CD8B2: variants seen among roughly 807,000 people sequenced by gnomAD.
The protein encoded by CD8B2 is T-cell surface glycoprotein CD8 beta-2 chain.
In CD8B2, 11 loss-of-function variants were observed where a neutral mutation model predicts 23.7. The ratio of observed to expected loss-of-function variants is 0.46; its 90% CI spans 0.29 to 0.77. The LOEUF is 0.77. CD8B2 is among the 30% of genes least tolerant of loss of function. The probability of loss-of-function intolerance (pLI) is 0.09; values close to 1 mark genes in which losing one functional copy is unlikely to be tolerated. For synonymous variants in CD8B2, 90 were observed against 109.3 expected (o/e 0.82, Z 1.10); for missense variants, 197 against 270.5 (o/e 0.73, Z 1.91).
In CD8B2 at chr2:106,510,808, C is replaced by T. The variant is rs1404870238; in HGVS notation, c.*3868C>T. The T allele has an allele frequency of 2.0e-5, 3 of 151,462 alleles. No homozygotes were observed. Among genetic ancestry groups the T allele is most frequent in the Admixed American group, 6.6e-5 (1 of 15,214 alleles). 9.4% of individuals were successfully genotyped at this position (151,462 alleles called of 1,614,324 possible). ...TTTTTAAAACATAAAATTGAAATCT[C>T]GAGAATATAATACATAAAATAGAGA... is the stretch of plus-strand genomic sequence containing the variant. On this transcript the variant is annotated 3_prime_UTR_variant, in exon 6 of 6. Transcript: ENST00000643224.
chr2:106,518,102 C>G (rs943072721), intron 5 of CD8B2, among the ~76,000 whole-genome samples: 16 of 152,244 alleles, frequency 1.1e-4, no homozygotes, highest in Admixed American at 3.3e-4. Flanking sequence ...TTTTCTTCAT[C>G]CTGCTATTTC....
intron 1 of CD8B2, among the ~76,000 whole-genome samples, chr2:106,490,654 G>A (rs55762809): frequency 0.096 from 14,564 of 151,998 alleles, 293 homozygotes; most frequent in South Asian, 0.14. Context: ...TTGTAAAGCT[G>A]AACTTAGCAA....
intron 2 of CD8B2, among the ~76,000 whole-genome samples, chr2:106,491,818 G>T (rs1679202776): frequency 6.6e-6 from 1 of 152,288 alleles, no homozygotes; most frequent in East Asian, 1.9e-4. Flanking sequence ...CAAAGCGCTA[G>T]GATTACAGGC....
chr2:106,538,288 G>C (rs977744491), intron 5 of CD8B2, among the ~76,000 whole-genome samples: 6 of 152,120 alleles, frequency 3.9e-5, no homozygotes, highest in African/African-American at 1.4e-4. Flanking sequence ...GCTGTGAAGG[G>C]GAATTTTGAG....
At chr2:106,504,738 C>T (rs1679473012) in intron 5 of CD8B2, among the ~76,000 whole-genome samples, 1 of 152,190 alleles carries the variant, frequency 6.6e-6, no homozygotes, top group African/African-American at 2.4e-5. Context: ...TTTGCATGCA[C>T]AGAATACCGC....
intron 1 of CD8B2, among the ~76,000 whole-genome samples, chr2:106,488,581 G>A (rs1169500878): frequency 5.3e-5 from 8 of 152,316 alleles, no homozygotes; most frequent in African/African-American, 1.7e-4. Context: ...CTGTGTGCTC[G>A]TGAGCACATA....
chr2:106,519,451 A>G (rs1448580862), intron 5 of CD8B2, among the ~76,000 whole-genome samples: 1 of 152,208 alleles, frequency 6.6e-6, no homozygotes, highest in Non-Finnish European at 1.5e-5. Context: ...CAGGCCCTGT[A>G]TTGAGGGTTC....
chr2:106,515,077 T>A (rs985314777), downstream of CD8B2, among the ~76,000 whole-genome samples: 1 of 152,226 alleles, frequency 6.6e-6, no homozygotes, highest in Non-Finnish European at 1.5e-5. Flanking sequence ...GTTAATCTCC[T>A]TTCGCAACAC....
intron 5 of CD8B2, among the ~76,000 whole-genome samples, chr2:106,523,548 C>G (rs571678793): frequency 2.0e-5 from 3 of 152,222 alleles, no homozygotes; most frequent in East Asian, 1.9e-4. Context: ...AATAGGGCCT[C>G]CTGTGTGATG....
At chr2:106,487,799 G>T (rs560164810) in intron 1 of CD8B2, among the ~76,000 whole-genome samples, 71 of 152,314 alleles carry the variant, frequency 4.7e-4, no homozygotes, top group African/African-American at 1.6e-3. Flanking sequence ...AAGGAAACAG[G>T]TCCCTGCCCA....
At chr2:106,519,009 T>C (rs1679777413) in intron 5 of CD8B2, among the ~76,000 whole-genome samples, 1 of 151,274 alleles carries the variant, frequency 6.6e-6, no homozygotes, top group South Asian at 2.1e-4. Flanking sequence ...CCTTCATCCT[T>C]TCAACCATTC....
chr2:106,492,799 C>G (rs541856725), intron 2 of CD8B2, among the ~76,000 whole-genome samples: 2 of 152,356 alleles, frequency 1.3e-5, no homozygotes, highest in South Asian at 4.1e-4. Context: ...GCCCCGCCAC[C>G]TCTTGCTAGC....
intron 3 of CD8B2, among the ~76,000 whole-genome samples, chr2:106,501,317 T>C (rs56298568): frequency 0.97 from 146,349 of 151,554 alleles, 70,930 homozygotes; most frequent in East Asian, 1. Flanking sequence ...GGAAAAAAGG[T>C]GCATTGAAAA....
At chr2:106,516,192 C>T (rs1316189383) in intron 5 of CD8B2, among the ~76,000 whole-genome samples, 5 of 152,116 alleles carry the variant, frequency 3.3e-5, no homozygotes, top group African/African-American at 7.2e-5. Context: ...CCCACCCCAC[C>T]GCCAGCATCT....
intron 5 of CD8B2, among the ~76,000 whole-genome samples, chr2:106,528,536 G>C (rs534289901): frequency 4.6e-5 from 7 of 152,166 alleles, no homozygotes; most frequent in African/African-American, 1.7e-4. Flanking sequence ...CCTTTTGCAA[G>C]GAGCAAGAGA....
At chr2:106,493,362 G>C (rs1209025170) in intron 2 of CD8B2, among the ~76,000 whole-genome samples, 1 of 152,124 alleles carries the variant, frequency 6.6e-6, no homozygotes, top group East Asian at 1.9e-4. Context: ...GGAATCCAGG[G>C]GGACCTGGCT....
At chr2:106,491,769 G>A (rs1238225046) in intron 2 of CD8B2, among the ~76,000 whole-genome samples, 12 of 152,040 alleles carry the variant, frequency 7.9e-5, no homozygotes, top group African/African-American at 2.9e-4. Context: ...GGTGGGTCTC[G>A]AACTCCTGAC....
chr2:106,512,150 A>G (rs1679644417), downstream of CD8B2, among the ~76,000 whole-genome samples: 1 of 152,218 alleles, frequency 6.6e-6, no homozygotes, highest in Admixed American at 6.5e-5. Flanking sequence ...CTTATGGCTC[A>G]CTGCAAGCTC....
In CD8B2 at chr2:106,504,444, G is replaced by A. The variant is rs181792178; in HGVS notation, c.620+119G>A. On this transcript the variant is annotated intron_variant, in intron 5 of 5. Transcript: ENST00000643224. The stretch of plus-strand genomic sequence containing the variant: ...TCTTCCAAAGATCATAGACTCGGCC[G>A]GGCGTGGTAGTGCACACCTGTAGTC... 4.6e-5 allele frequency: 70 copies of A among 1,531,880 alleles called. No individual in the cohort carries two copies. The African/African-American group carries it at 8.0e-4, about 17-fold the overall frequency. The allele number at this position is 1,531,880 out of a possible 1,614,324, so 94.9% of individuals were successfully genotyped here. A position where few individuals can be genotyped will look rare whatever the true frequency, so the allele number is the denominator to read the frequency against.
Sources: gnomAD v4.1 joint callset for allele counts (sites outside exome capture counted in the v4.1 genomes callset) on GRCh38, gnomAD v4.1.1 for gene constraint, MANE v1.5 for transcripts, NCBI Gene and HGNC (gene_info 2026-07-23, HGNC 2026-07-21) for gene names.